Variants in ATP7B observed in about 807,000 individuals in gnomAD.
ATP7B encodes ATPase copper transporting beta.
A neutral mutation model predicts 118.9 loss-of-function variants in ATP7B; 113 were observed. The observed-to-expected ratio is 0.95, with a 90% CI of 0.82 to 1.11. ATP7B has a LOEUF of 1.11. ATP7B is among the 50% of genes most tolerant of loss of function. The pLI, the probability that ATP7B is intolerant of heterozygous loss-of-function variation, is 0.00. For missense variants in ATP7B, 1,867 were observed against 1,871.4 expected, an observed-to-expected ratio of 1.00 and a Z score of 0.04; for synonymous variants, 777 against 727.4, an observed-to-expected ratio of 1.07 and a Z score of -1.10.
rs191892694 is a variant in ATP7B at position 51,933,234 on chromosome 13, C to T, written c.*1522G>A. 10 of 152,280 alleles carry T rather than the reference C, an allele frequency of 6.6e-5. No homozygotes were observed. Among genetic ancestry groups the T allele is most frequent in the Admixed American group, 3.3e-4 (5 of 15,292 alleles). The allele number at this position is 152,280 out of a possible 1,614,324, so 9.4% of individuals were successfully genotyped here. ...AGGTAGAAGGACAATAAGAGTGAAG[C>T]CTTCACAGCTGACAGACACTGCTTG... On this transcript the variant is annotated 3_prime_UTR_variant, in exon 21 of 21. Transcript: ENST00000242839.
chr13:51,942,411 C>T lies in ATP7B; in HGVS notation c.3387G>A (p.Glu1129=), dbSNP rs1957389916. ...CTTTTTCTGCGGGAAGGCTGCCAGC[C>T]TCATTCAGGTGACTGGCCGGTGCAC... is the stretch of plus-strand genomic sequence containing the variant. The part of the protein sequence containing the change: ...PLSAPASHLN[E]AGSLPAEKDA... Residue 1129 remains glutamate, a synonymous_variant, in exon 15 of 21, where the codon GAG becomes GAA. Coordinates refer to ENST00000242839, the MANE Select transcript of ATP7B (RefSeq NM_000053.4). 2.5e-6 allele frequency: 4 copies of T among 1,614,084 alleles called. No homozygotes were observed. Among genetic ancestry groups the T allele is most frequent in the African/African-American group, 1.3e-5 (1 of 74,920 alleles).
intron 1 of ATP7B, among the ~76,000 whole-genome samples, chr13:51,999,607 C>A (rs185920952): frequency 6.6e-6 from 1 of 152,190 alleles, no homozygotes; most frequent in East Asian, 1.9e-4. Context: ...ATTCCATGCA[C>A]CTTCGACTTC....
At chr13:51,942,254 G>A (rs1957376975) in intron 15 of ATP7B, 132 bp downstream of exon 15, 21 of 1,371,934 alleles carry the variant, frequency 1.5e-5, no homozygotes, top group Non-Finnish European at 1.8e-5. Context: ...TGGGTGTGGG[G>A]AGGCAGGCTT....
chr13:51,960,468 ACTCT>A (rs895072034), intron 6 of ATP7B, 146 bp from the exon 7 acceptor site: 57 of 996,336 alleles, frequency 5.7e-5, no homozygotes, highest in South Asian at 5.6e-4. Flanking sequence ...GAAAGTAAGA[ACTCT>A]CTCTCTCTGA....
intron 1 of ATP7B, among the ~76,000 whole-genome samples, chr13:51,977,136 C>G (rs1301338984): frequency 6.6e-6 from 1 of 152,026 alleles, no homozygotes; most frequent in African/African-American, 2.4e-5. Context: ...GTACTCTAGC[C>G]TGGGAGACAA....
chr13:51,969,653 A>G (rs371935585), intron 3 of ATP7B, among the ~76,000 whole-genome samples: 36 of 152,330 alleles, frequency 2.4e-4, no homozygotes, highest in African/African-American at 8.2e-4. Flanking sequence ...AGGATGCCAC[A>G]TAGGATAAAA....
At chr13:51,940,473 C>T (rs1175511226) in intron 16 of ATP7B, among the ~76,000 whole-genome samples, 1 of 151,160 alleles carries the variant, frequency 6.6e-6, no homozygotes, top group Non-Finnish European at 1.5e-5. Flanking sequence ...GGTGAAACCC[C>T]GTCTCTACTA....
At chr13:51,955,887 C>T (rs1367454321) in intron 9 of ATP7B, among the ~76,000 whole-genome samples, 2 of 152,164 alleles carry the variant, frequency 1.3e-5, no homozygotes, top group Non-Finnish European at 2.9e-5. Flanking sequence ...TTGGGGGCAG[C>T]GCAGCACAGT....
At chr13:52,007,586 C>G (rs1168366099) in intron 1 of ATP7B, among the ~76,000 whole-genome samples, 1 of 152,196 alleles carries the variant, frequency 6.6e-6, no homozygotes, top group Non-Finnish European at 1.5e-5. Flanking sequence ...TGCTCTCTCT[C>G]CAGACACTAA....
At position 51,960,305 on chromosome 13, in the gene ATP7B, AG is replaced by A. The variant is rs2139612433; in HGVS notation, c.1963del (p.Leu655CysfsTer13). 6.2e-7 allele frequency: 1 copy of A among 1,613,624 alleles called. No individual in the cohort carries two copies. Among genetic ancestry groups the A allele is most frequent in the South Asian group, 1.1e-5 (1 of 91,052 alleles). ...MEIKQWKKSF[L>X]CSLVFGIPVM... The stretch of plus-strand genomic sequence containing the variant: ...AGGGATGCCAAACACCAGGCTGCAC[AG>A]GAAAGACTTCTTCCACCTGGAAAGC... On this transcript the variant is annotated frameshift_variant, in exon 7 of 21. Transcript: ENST00000242839. LOFTEE classifies it high-confidence loss of function.
intron 7 of ATP7B, 120 bp downstream of exon 7, chr13:51,960,028 A>G: frequency 7.4e-7 from 1 of 1,345,224 alleles, no homozygotes; most frequent in Non-Finnish European, 1.1e-6. Context: ...GGGGCAGGAA[A>G]GCTGCAATAA....
At chr13:51,973,863 A>G (rs1288121988) in intron 2 of ATP7B, 72 bp downstream of exon 2, 1 of 1,598,946 alleles carries the variant, frequency 6.3e-7, no homozygotes, top group Non-Finnish European at 8.6e-7. Flanking sequence ...CACCTATACC[A>G]CCATCCAGGA....
intron 1 of ATP7B, among the ~76,000 whole-genome samples, chr13:52,003,434 C>T (rs1282023476): frequency 1.3e-5 from 2 of 152,126 alleles, no homozygotes; most frequent in East Asian, 1.9e-4. Flanking sequence ...CCATCTTACA[C>T]GGGCCCCAAG....
rs756029120 is a variant in ATP7B at position 51,941,120 on chromosome 13, C to T, written c.3517G>A (p.Glu1173Lys). ...AGGATGGCTGTCTGTCCTTTCATCT[C>T]GTGGTCTGTCATAGCGTCACTGACA... is the stretch of plus-strand genomic sequence containing the variant. The part of the protein sequence containing the change: ...SDVSDAMTDH[E>K]MKGQTAILVA... The change falls in exon 16 of 21, where the codon GAG (glutamate) becomes AAG (lysine). Residue 1173 changes from glutamate (E) to lysine (K), a missense_variant. Glu to Lys is a moderately conservative substitution (Grantham distance 56). Transcript: ENST00000242839. The T allele has an allele frequency of 5.6e-6, 9 of 1,614,036 alleles. No individual in the cohort carries two copies. The highest frequency in any genetic ancestry group is 4.0e-5 in the African/African-American group (3 of 74,912).
chr13:52,002,450 C>T (rs1953537559), intron 1 of ATP7B, among the ~76,000 whole-genome samples: 1 of 148,002 alleles, frequency 6.8e-6, no homozygotes, highest in Non-Finnish European at 1.5e-5. Flanking sequence ...CCTGCAGTCC[C>T]AACTACTCGA....
At position 51,974,165 on chromosome 13, in the gene ATP7B, T is replaced by G. The variant is rs199922748; in HGVS notation, c.1055A>C (p.Asn352Thr). The change falls in exon 2 of 21, where the codon AAC becomes ACC. Residue 352 changes from asparagine to threonine, a missense_variant. Physicochemically the swap from Asn to Thr is moderately conservative, Grantham distance 65. Coordinates refer to ENST00000242839, the MANE Select transcript of ATP7B (RefSeq NM_000053.4). ...SSHSPGSPPR[N>T]QVQGTCSTTL... ...GGTACTGCATGTGCCCTGGACCTGG[T>G]TTCTCGGTGGGGAGCCAGGGGAATG... is the stretch of plus-strand genomic sequence containing the variant. 1 of 1,613,972 alleles carries G rather than the reference T, an allele frequency of 6.2e-7. No individual in the cohort carries two copies. The highest frequency in any genetic ancestry group is 1.3e-5 in the African/African-American group (1 of 74,962).
intron 1 of ATP7B, among the ~76,000 whole-genome samples, chr13:51,984,710 C>T (rs1952571420): frequency 2.0e-5 from 3 of 152,200 alleles, no homozygotes; most frequent in Admixed American, 2.0e-4. Context: ...GACTTAACAG[C>T]AGATCTCTCT....
At chr13:51,943,380 T>C (rs1957455001) in intron 14 of ATP7B, among the ~76,000 whole-genome samples, 1 of 152,160 alleles carries the variant, frequency 6.6e-6, no homozygotes, top group Admixed American at 6.5e-5. Context: ...GTGGGCTGTC[T>C]GACCCTACAT....
chr13:51,982,389 T>G (rs559062497), intron 1 of ATP7B, among the ~76,000 whole-genome samples: 1 of 152,304 alleles, frequency 6.6e-6, no homozygotes, highest in South Asian at 2.1e-4. Flanking sequence ...GGTATAAAGG[T>G]TTGTGTTTTG....
Sources: gnomAD v4.1 joint callset for allele counts (sites outside exome capture counted in the v4.1 genomes callset) on GRCh38, gnomAD v4.1.1 for gene constraint, MANE v1.5 for transcripts, NCBI Gene and HGNC (gene_info 2026-07-23, HGNC 2026-07-21) for gene names.